Variants in STIM2 observed in about 807,000 individuals in gnomAD.
The protein encoded by STIM2 is stromal interaction molecule 2.
In STIM2, 31 loss-of-function variants were observed where a neutral mutation model predicts 85.8. That is an observed-to-expected ratio of 0.36 (90% CI 0.27 to 0.49). The LOEUF is 0.49. Among genes scored for constraint, STIM2 ranks in the 20% least tolerant of loss-of-function variants. STIM2 has a pLI of 0.98. For synonymous variants in STIM2, 356 were observed against 331.1 expected, an observed-to-expected ratio of 1.08 and a Z score of -0.82; for missense variants, 841 against 927.6, an observed-to-expected ratio of 0.91 and a Z score of 1.21.
intron 11 of STIM2, 59 bp from the exon 12 acceptor site, chr4:27,022,460 C>A: frequency 7.4e-7 from 1 of 1,342,512 alleles, no homozygotes; most frequent in Non-Finnish European, 1.0e-6. Flanking sequence ...AGAATGTCTG[C>A]TAGTACTCTT....
At chr4:26,869,225 G>A (rs1722515617) in intron 1 of STIM2, among the ~76,000 whole-genome samples, 1 of 151,424 alleles carries the variant, frequency 6.6e-6, no homozygotes, top group Admixed American at 6.6e-5. Context: ...TGAGCCTGGG[G>A]GAAGTTAAGT....
chr4:26,948,164 C>T (rs568575911), intron 2 of STIM2, among the ~76,000 whole-genome samples: 93 of 152,308 alleles, frequency 6.1e-4, no homozygotes, highest in African/African-American at 2.2e-3. Context: ...TCTTTGCTGG[C>T]CGTATTATTC....
At chr4:26,895,015 C>T (rs1052966673) in intron 1 of STIM2, among the ~76,000 whole-genome samples, 5 of 152,160 alleles carry the variant, frequency 3.3e-5, no homozygotes, top group African/African-American at 4.8e-5. Flanking sequence ...AATTTGAGAC[C>T]AGCCTGGCCA....
intron 3 of STIM2, among the ~76,000 whole-genome samples, chr4:26,977,503 GA>G (rs1245828302): frequency 6.6e-6 from 1 of 152,202 alleles, no homozygotes; most frequent in Non-Finnish European, 1.5e-5. Context: ...AGTAGAAGTA[GA>G]AGACCTGTTG....
intron 2 of STIM2, among the ~76,000 whole-genome samples, chr4:26,949,397 A>C (rs545725355): frequency 6.6e-6 from 1 of 152,302 alleles, no homozygotes; most frequent in South Asian, 2.1e-4. Flanking sequence ...AACATAGTTA[A>C]GTAGTAAAAT....
intron 3 of STIM2, among the ~76,000 whole-genome samples, chr4:26,959,467 A>G (rs1726370724): frequency 1.3e-5 from 2 of 151,696 alleles, no homozygotes; most frequent in African/African-American, 4.8e-5. Flanking sequence ...ACTCAGCTTC[A>G]CACTTTCCTT....
intron 3 of STIM2, among the ~76,000 whole-genome samples, chr4:26,968,500 G>A (rs943368682): frequency 1.3e-5 from 2 of 152,120 alleles, no homozygotes; most frequent in African/African-American, 4.8e-5. Flanking sequence ...TAGAATGTTT[G>A]GTTGCCAGGG....
intron 3 of STIM2, among the ~76,000 whole-genome samples, chr4:26,992,602 G>A (rs1232593624): frequency 1.3e-5 from 2 of 152,094 alleles, no homozygotes; most frequent in Admixed American, 1.3e-4. Context: ...TTTTAGCTGA[G>A]ATATGAAGGT....
intron 1 of STIM2, among the ~76,000 whole-genome samples, chr4:26,876,337 G>A (rs1043776641): frequency 1.3e-5 from 2 of 152,064 alleles, no homozygotes; most frequent in Non-Finnish European, 2.9e-5. Flanking sequence ...GTAGGTCTTT[G>A]GATCGTAGCA....
chr4:27,018,687 A>C (rs1377446522), intron 11 of STIM2, among the ~76,000 whole-genome samples: 1 of 152,236 alleles, frequency 6.6e-6, no homozygotes, highest in East Asian at 1.9e-4. Flanking sequence ...ACAGACATGT[A>C]GGTAGATATT....
intron 2 of STIM2, among the ~76,000 whole-genome samples, chr4:26,944,782 C>T (rs1159065581): frequency 1.3e-5 from 2 of 152,078 alleles, no homozygotes; most frequent in African/African-American, 4.8e-5. Flanking sequence ...ATAGTATTTT[C>T]CCCAACACTA....
At chr4:26,987,829 A>G (rs947792604) in intron 3 of STIM2, among the ~76,000 whole-genome samples, 6 of 152,238 alleles carry the variant, frequency 3.9e-5, no homozygotes, top group Admixed American at 3.9e-4. Context: ...CTTTGGCATT[A>G]CTGTTAGTAC....
intron 1 of STIM2, among the ~76,000 whole-genome samples, chr4:26,909,696 T>C (rs1163566114): frequency 1.3e-5 from 2 of 152,236 alleles, no homozygotes; most frequent in Non-Finnish European, 2.9e-5. Flanking sequence ...AACATAAAAT[T>C]GATCATTTTA....
chr4:27,006,442 T>A (rs1728359990), intron 7 of STIM2, among the ~76,000 whole-genome samples: 1 of 152,190 alleles, frequency 6.6e-6, no homozygotes, highest in African/African-American at 2.4e-5. Context: ...GGAAAATTAA[T>A]CTGCGGGGTG....
chr4:26,987,924 G>A (rs1299277696), intron 3 of STIM2, among the ~76,000 whole-genome samples: 1 of 152,220 alleles, frequency 6.6e-6, no homozygotes, highest in African/African-American at 2.4e-5. Flanking sequence ...ATCTATATTA[G>A]TAGTGGACTT....
chr4:26,973,518 A>G lies in STIM2; in HGVS notation c.397+15792A>G, dbSNP rs190356901. 1.7e-4 allele frequency among the ~76,000 whole-genome samples: 26 copies of G among 152,168 alleles called. No homozygotes were observed. In the East Asian group the frequency reaches 4.8e-3, roughly 28 times the overall value. On this transcript the variant is annotated intron_variant, in intron 3 of 11. Transcript: ENST00000467087. ...TTTTCCCAGTAGTCATTCAGGGGCA[A>G]GTTGTTCAGTTTCCATGTAGTTGTG...
intron 4 of STIM2, among the ~76,000 whole-genome samples, chr4:26,998,709 G>A (rs1160138607): frequency 3.3e-5 from 5 of 151,746 alleles, no homozygotes; most frequent in Non-Finnish European, 7.4e-5. Flanking sequence ...TCAGGAGATC[G>A]AGACCATCCT....
intron 3 of STIM2, among the ~76,000 whole-genome samples, chr4:26,978,025 G>A (rs1267104198): frequency 6.6e-6 from 1 of 152,186 alleles, no homozygotes; most frequent in Admixed American, 6.5e-5. Context: ...GATTGGCAAA[G>A]TCGAAGTTAA....
At chr4:26,988,099 ATG>A (rs1200906559) in intron 3 of STIM2, among the ~76,000 whole-genome samples, 4 of 152,208 alleles carry the variant, frequency 2.6e-5, no homozygotes, top group Non-Finnish European at 5.9e-5. Context: ...GTATGTAAAG[ATG>A]TATAGTAAAA....
Sources: allele counts gnomAD v4.1 joint callset (sites outside exome capture counted in the v4.1 genomes callset), GRCh38; gene constraint gnomAD v4.1.1; transcripts MANE v1.5; gene names NCBI Gene and HGNC (gene_info 2026-07-23, HGNC 2026-07-21).